The following ZBED4 variants were observed in gnomAD, a reference collection of about 807,000 sequenced individuals.
The protein encoded by ZBED4 is zinc finger BED-type containing 4.
ZBED4 carries 4 observed loss-of-function variants against 15.5 expected under a neutral mutation model. The observed-to-expected ratio is 0.26, with a 90% CI of 0.13 to 0.59. The LOEUF is 0.59. Ranked by LOEUF, ZBED4 falls within the 20% of genes least tolerant of loss-of-function variation. ZBED4 has a pLI of 0.90. For missense variants in ZBED4, 1,323 were observed against 1,461.8 expected (o/e 0.91, Z 1.55); for synonymous variants, 692 against 608.5 (o/e 1.14, Z -2.02).
At chr22:49,855,869 G>T (rs2060273005) in intron 1 of ZBED4, among the ~76,000 whole-genome samples, 1 of 152,176 alleles carries the variant, frequency 6.6e-6, no homozygotes, top group Admixed American at 6.5e-5. Flanking sequence ...TAAATCTCAG[G>T]ACCTGAGAAT....
At chr22:49,863,748 G>A (rs1377982137) in intron 1 of ZBED4, among the ~76,000 whole-genome samples, 2 of 152,168 alleles carry the variant, frequency 1.3e-5, no homozygotes, top group Admixed American at 6.5e-5. Context: ...GGAGAAAACT[G>A]AAGATAAATG....
intron 1 of ZBED4, among the ~76,000 whole-genome samples, chr22:49,873,866 G>A (rs1031908016): frequency 2.0e-5 from 3 of 149,476 alleles, no homozygotes; most frequent in African/African-American, 7.3e-5. Context: ...GGAGCGAGGA[G>A]CGTGGAGGAC....
At chr22:49,880,382 CGT>C (rs1491351533) in intron 1 of ZBED4, among the ~76,000 whole-genome samples, 1 of 152,248 alleles carries the variant, frequency 6.6e-6, no homozygotes, top group Non-Finnish European at 1.5e-5. Flanking sequence ...CGCAGGTCTG[CGT>C]AGCTCCCTCC....
At chr22:49,874,376 T>C (rs1052174102) in intron 1 of ZBED4, among the ~76,000 whole-genome samples, 1 of 151,740 alleles carries the variant, frequency 6.6e-6, no homozygotes, top group Middle Eastern at 3.2e-3. Context: ...CTTTTGCTAA[T>C]GTATTGTTTT....
chr22:49,884,968 C>A lies in ZBED4; in HGVS notation c.1306C>A (p.Leu436Met), dbSNP rs766928121. The A allele has an allele frequency of 1.9e-6, 3 of 1,612,924 alleles. No individual in the cohort carries two copies. Among genetic ancestry groups the A allele is most frequent in the Admixed American group, 1.7e-5 (1 of 59,808 alleles). Residue 436 changes from leucine to methionine, a missense_variant, in exon 2 of 2, where the codon CTG becomes ATG. Leu to Met is a conservative substitution (Grantham distance 15, BLOSUM62 2). Around this residue, in one of 6 missense-constraint regions of ZBED4, gnomAD observed 429 missense variants for 397.9 expected, o/e 1.08. Coordinates refer to ENST00000216268, the MANE Select transcript of ZBED4 (RefSeq NM_014838.3). ...SSPEKQQADG[L>M]SPRLFESGAI... Reference sequence around the variant, plus strand: ...TCCTGAGAAGCAGCAGGCTGATGGGCTGAGTCCTAGATTGTTTGAATCTGG... The same window carrying A: ...TCCTGAGAAGCAGCAGGCTGATGGGATGAGTCCTAGATTGTTTGAATCTGG...
intron 1 of ZBED4, among the ~76,000 whole-genome samples, chr22:49,878,701 T>C (rs2060391141): frequency 1.3e-5 from 2 of 152,184 alleles, no homozygotes; most frequent in Non-Finnish European, 2.9e-5. Flanking sequence ...ATGAGTGAAG[T>C]GGACTTCATC....
rs761545349 is a variant in ZBED4, at chr22:49,884,937, G to T, written c.1275G>T (p.Ala425=). 6.2e-7 allele frequency: 1 copy of T among 1,608,258 alleles called. No homozygotes were observed. The highest frequency in any genetic ancestry group is 8.5e-7 in the Non-Finnish European group (1 of 1,176,800). The change falls in exon 2 of 2, where the codon GCG becomes GCT. Residue 425 remains alanine (A), a synonymous_variant. Transcript: ENST00000216268. ...SSSDDIGEAS[A]SSPEKQQADG... ...CCGATGACATAGGGGAGGCCTCGGC[G>T]TCCTCTCCTGAGAAGCAGCAGGCTG...
At chr22:49,876,427 T>C (rs1335243851) in intron 1 of ZBED4, among the ~76,000 whole-genome samples, 1 of 152,228 alleles carries the variant, frequency 6.6e-6, no homozygotes, top group East Asian at 1.9e-4. Flanking sequence ...TCTCTCAGCT[T>C]TGCTTCGTGG....
intron 1 of ZBED4, among the ~76,000 whole-genome samples, chr22:49,880,386 G>A (rs973160756): frequency 6.6e-5 from 10 of 152,232 alleles, no homozygotes; most frequent in Non-Finnish European, 1.3e-4. Flanking sequence ...GGTCTGCGTA[G>A]CTCCCTCCTC....
Position 49,886,466 on chromosome 22 carries a change from G to T in ZBED4, c.2804G>T (p.Arg935Leu). 6.4e-7 allele frequency: 1 copy of T among 1,571,180 alleles called. No individual in the cohort carries two copies. Among genetic ancestry groups the T allele is most frequent in the Non-Finnish European group, 8.6e-7 (1 of 1,156,876 alleles). ...DQWEVMQSVCRALKPFEAASR... is the reference protein window; with the variant it reads ...DQWEVMQSVCLALKPFEAASR... ...TGGGAGGTCATGCAGTCCGTGTGCC[G>T]TGCGCTAAAGCCCTTCGAGGCTGCG... Residue 935 changes from arginine (R) to leucine (L), a missense_variant, in exon 2 of 2, where the codon CGT becomes CTT. Transcript: ENST00000216268. This position sits in a 1 kb window ranked among gnomAD's most constrained non-coding sequence, Gnocchi z 7.7.
Position 49,886,425 on chromosome 22 carries a change from G to A in ZBED4, c.2763G>A (p.Leu921=). Residue 921 remains leucine, a synonymous_variant, in exon 2 of 2, where the codon CTG becomes CTA. Transcript: ENST00000216268. This position sits in a 1 kb window ranked among gnomAD's most constrained non-coding sequence, Gnocchi z 7.7. ...EMSVECNFRE[L]ISCDQWEVMQ... is the part of the protein sequence containing the mutation. ...CCGTCGAGTGTAACTTCCGAGAGCT[G>A]ATCAGCTGCGACCAGTGGGAGGTCA... 1 of 1,592,074 alleles carries A rather than the reference G, an allele frequency of 6.3e-7. No homozygotes were observed. The highest frequency in any genetic ancestry group is 8.6e-7 in the Non-Finnish European group (1 of 1,166,140).
At chr22:49,854,420 A>G (rs931185580) in intron 1 of ZBED4, among the ~76,000 whole-genome samples, 1 of 152,128 alleles carries the variant, frequency 6.6e-6, no homozygotes, top group Non-Finnish European at 1.5e-5. Flanking sequence ...ACCTCCAGGA[A>G]GGGCCACCTG....
At position 49,884,172 on chromosome 22, in the gene ZBED4, T is replaced by A; in HGVS notation, c.510T>A (p.Ile170=). The change falls in exon 2 of 2, where the codon ATT becomes ATA. Residue 170 remains isoleucine, a synonymous_variant. Coordinates refer to ENST00000216268, the MANE Select transcript of ZBED4 (RefSeq NM_014838.3). The part of the protein sequence containing the change: ...HVRRAHPTVL[I]QENGSVSAVS... ...GGCGCGCACACCCGACCGTGCTCAT[T>A]CAGGAAAATGGCAGTGTGTCTGCCG... The A allele has an allele frequency of 6.2e-7, 1 of 1,612,368 alleles. No homozygotes were observed. The highest frequency in any genetic ancestry group is 8.5e-7 in the Non-Finnish European group (1 of 1,179,164).
intron 1 of ZBED4, among the ~76,000 whole-genome samples, chr22:49,864,517 A>G (rs191418139): frequency 6.6e-5 from 10 of 152,274 alleles, no homozygotes; most frequent in African/African-American, 1.9e-4. Flanking sequence ...TCGAAAATGC[A>G]CTTAATACCT....
intron 1 of ZBED4, among the ~76,000 whole-genome samples, chr22:49,870,289 A>G (rs2060340498): frequency 6.6e-6 from 1 of 152,220 alleles, no homozygotes; most frequent in South Asian, 2.1e-4. Context: ...ATGAACATAC[A>G]TGTGTACATG....
At chr22:49,854,202 G>T (rs1050581719) in intron 1 of ZBED4, among the ~76,000 whole-genome samples, 1 of 146,974 alleles carries the variant, frequency 6.8e-6, no homozygotes, top group Non-Finnish European at 1.5e-5. Flanking sequence ...GACAGCTGGC[G>T]CGGGGGCGGC....
In ZBED4 at chr22:49,884,718, C is replaced by T. The variant is rs149232276; in HGVS notation, c.1056C>T (p.Tyr352=). The change falls in exon 2 of 2, where the codon TAC becomes TAT. Residue 352 remains tyrosine (Y), a synonymous_variant. Transcript: ENST00000216268. ...GGGGCACGGGCATCCCGCCACTGTA[C>T]TCCACCCCTCCCACTCTGCTGCCTT... is the stretch of plus-strand genomic sequence containing the variant. ...ENGGTGIPPL[Y]STPPTLLPSL... 2 of 1,595,004 alleles carry T rather than the reference C, an allele frequency of 1.3e-6. No homozygotes were observed.
In ZBED4 at chr22:49,884,310, C is replaced by T; in HGVS notation, c.648C>T (p.Ile216=). 1 of 1,613,708 alleles carries T rather than the reference C, an allele frequency of 6.2e-7. No individual in the cohort carries two copies. ...TTGTCCAGAAAGTGGCGTCTAAGAT[C>T]CCGTCCCCCGATCGAATAACAGAGG... ...IKLVQKVASK[I]PSPDRITEES... The change falls in exon 2 of 2, where the codon ATC becomes ATT. Residue 216 remains isoleucine (I), a synonymous_variant. Coordinates refer to ENST00000216268, the MANE Select transcript of ZBED4 (RefSeq NM_014838.3).
In ZBED4 at chr22:49,885,507, G is replaced by A; in HGVS notation, c.1845G>A (p.Glu615=). 6.2e-7 allele frequency: 1 copy of A among 1,610,796 alleles called. No individual in the cohort carries two copies. The highest frequency in any genetic ancestry group is 8.5e-7 in the Non-Finnish European group (1 of 1,177,110). The change falls in exon 2 of 2, where the codon GAG becomes GAA. Residue 615 remains glutamate (E), a synonymous_variant. Coordinates refer to ENST00000216268, the MANE Select transcript of ZBED4 (RefSeq NM_014838.3). ...TCCATAGCAACGTGCTGAAAACTGA[G>A]GTCTCGGAGACGGCTCGGCCCTCCT... ...QRFHSNVLKT[E]VSETARPSSP...
Sources: allele counts gnomAD v4.1 joint callset (sites outside exome capture counted in the v4.1 genomes callset), GRCh38; gene constraint gnomAD v4.1.1; regional missense constraint gnomAD v4.1.1; non-coding constraint Gnocchi (gnomAD v3.1); transcripts MANE v1.5; gene names NCBI Gene and HGNC (gene_info 2026-07-23, HGNC 2026-07-21).